LRRFIP1: variants seen among roughly 807,000 people sequenced by gnomAD.
LRRFIP1 encodes LRR binding FLII interacting protein 1.
Under a neutral mutation model 104.4 loss-of-function variants are expected in LRRFIP1, and 62 were observed. The ratio of observed to expected loss-of-function variants is 0.59; its 90% CI spans 0.48 to 0.73. LRRFIP1 has a LOEUF of 0.73. Ranked by LOEUF, LRRFIP1 falls within the 30% of genes least tolerant of loss-of-function variation. LRRFIP1 has a pLI of 0.00. For missense variants in LRRFIP1, 796 were observed against 824.5 expected (o/e 0.97, Z 0.42); for synonymous variants, 300 against 299.0 (o/e 1.00, Z -0.03).
At chr2:237,727,073 T>A (rs1198311053) in intron 7 of LRRFIP1, among the ~76,000 whole-genome samples, 1 of 152,202 alleles carries the variant, frequency 6.6e-6, no homozygotes, top group Non-Finnish European at 1.5e-5. Context: ...AAATAATTTC[T>A]GAGGCCGGGC....
Position 237,703,576 on chromosome 2 carries a change from G to A in LRRFIP1, c.97-4968G>A, listed in dbSNP as rs1329797544. Among the ~76,000 whole-genome samples, 1 of 151,938 alleles carries A rather than the reference G, an allele frequency of 6.6e-6. No individual in the cohort carries two copies. Among genetic ancestry groups the A allele is most frequent in the East Asian group, 1.9e-4 (1 of 5,154 alleles). ...GGTCGCAGCCACCCCGGCTCTGCTT[G>A]TCCTGTTTCAGGGTCCGGCTTAGGG... On this transcript the variant is annotated intron_variant, in intron 1 of 23. Coordinates refer to ENST00000308482, the MANE Select transcript of LRRFIP1 (RefSeq NM_001137550.2). The surrounding 1 kb of genome is among the most constrained non-coding windows in gnomAD (Gnocchi z 4.3).
rs760552854 is a variant in LRRFIP1 at position 237,735,591 on chromosome 2, C to T, written c.555+258C>T. 7 of 431,910 alleles carry T rather than the reference C, an allele frequency of 1.6e-5. No homozygotes were observed. Among genetic ancestry groups the T allele is most frequent in the South Asian group, 3.9e-5 (1 of 25,726 alleles). 26.8% of individuals were successfully genotyped at this position (431,910 alleles called of 1,614,324 possible). ...AGTTTCATCTGCTCTCTCTGCAGCA[C>T]GCCAACCATACTAACAGGTGGTGAA... On this transcript the variant is annotated intron_variant, in intron 10 of 23. Transcript: ENST00000308482. This position sits in a 1 kb window ranked among gnomAD's most constrained non-coding sequence, Gnocchi z 4.6.
Position 237,738,070 on chromosome 2 carries a change from A to G in LRRFIP1, c.556-1162A>G, listed in dbSNP as rs972202841. Among the ~76,000 whole-genome samples the G allele has an allele frequency of 1.3e-5, 2 of 152,288 alleles. 1 individual carries two copies. The highest frequency in any genetic ancestry group is 4.1e-4 in the South Asian group (2 of 4,832). ...GGTCACTAGCCCTGGTGAGGAAACA[A>G]ACTAAGAGATGGTATTTGACATGAG... On this transcript the variant is annotated intron_variant, in intron 10 of 23. Transcript: ENST00000308482.
chr2:237,727,462 C>A (rs1479987386), intron 7 of LRRFIP1, among the ~76,000 whole-genome samples: 1 of 152,072 alleles, frequency 6.6e-6, no homozygotes, highest in Non-Finnish European at 1.5e-5. Context: ...ACTGAAAACT[C>A]ATTGACTCAG....
intron 10 of LRRFIP1, 147 bp from the exon 11 acceptor site, chr2:237,739,085 A>G (rs575405825): frequency 3.5e-5 from 22 of 633,956 alleles, no homozygotes; most frequent in Admixed American, 2.4e-4. Context: ...TTTGCTGTCT[A>G]ACCCTAACTC....
Position 237,727,042 on chromosome 2 carries a change from G to A in LRRFIP1, c.385-834G>A, listed in dbSNP as rs535873727. The stretch of plus-strand genomic sequence containing the variant: ...GATATACCCCACGATGAACTTTTGC[G>A]TTTAACTATAGATTGACTAGAAATA... On this transcript the variant is annotated intron_variant, in intron 7 of 23. Coordinates refer to ENST00000308482, the MANE Select transcript of LRRFIP1 (RefSeq NM_001137550.2). Among the ~76,000 whole-genome samples the A allele has an allele frequency of 3.9e-5, 6 of 152,272 alleles. No individual in the cohort carries two copies. The East Asian group carries it at 7.7e-4, about 20-fold the overall frequency.
At chr2:237,762,158 C>T (rs994099005) in intron 19 of LRRFIP1, among the ~76,000 whole-genome samples, 4 of 152,172 alleles carry the variant, frequency 2.6e-5, no homozygotes, top group Non-Finnish European at 5.9e-5. Context: ...TTGAAAGCTG[C>T]TTTTAGGGCT....
At chr2:237,761,644 T>C (rs963614105) in intron 19 of LRRFIP1, among the ~76,000 whole-genome samples, 5 of 152,228 alleles carry the variant, frequency 3.3e-5, no homozygotes, top group Admixed American at 1.3e-4. Flanking sequence ...GTATACTATT[T>C]CATTAATATA....
chr2:237,633,611 C>T (rs1011381632), intron 1 of LRRFIP1, among the ~76,000 whole-genome samples: 1 of 152,102 alleles, frequency 6.6e-6, no homozygotes, highest in Non-Finnish European at 1.5e-5. Flanking sequence ...GAGAGAGGGG[C>T]GAATGGAGGT....
At chr2:237,685,177 T>C (rs1412121346) in intron 1 of LRRFIP1, among the ~76,000 whole-genome samples, 4 of 150,926 alleles carry the variant, frequency 2.7e-5, no homozygotes, top group African/African-American at 4.9e-5. Flanking sequence ...CTGGAGGTGT[T>C]TGTGGCCATT....
At chr2:237,641,635 A>G (rs2083995302) in intron 1 of LRRFIP1, among the ~76,000 whole-genome samples, 1 of 152,166 alleles carries the variant, frequency 6.6e-6, no homozygotes, top group East Asian at 1.9e-4. Context: ...ATTTTTCCCT[A>G]TATAGAACAT....
At position 237,779,332 on chromosome 2, in the gene LRRFIP1, C is replaced by T. The variant is rs983903667; in HGVS notation, c.1813-90C>T. On this transcript the variant is annotated intron_variant, in intron 23 of 23. Transcript: ENST00000308482. The stretch of plus-strand genomic sequence containing the variant: ...GGGGCCAAGTTATCATTTTATTTTT[C>T]AGTAGGATTGGAATTTCGGTAACAC... 1.1e-5 allele frequency: 16 copies of T among 1,488,328 alleles called. No homozygotes were observed. The African/African-American group carries it at 2.0e-4, about 18-fold the overall frequency. 92.2% of individuals were successfully genotyped at this position (1,488,328 alleles called of 1,614,324 possible). A position where few individuals can be genotyped will look rare whatever the true frequency, so the allele number is the denominator to read the frequency against.
At chr2:237,662,388 T>C (rs7597491) in intron 1 of LRRFIP1, among the ~76,000 whole-genome samples, 116,115 of 152,062 alleles carry the variant, frequency 0.76, 44,532 homozygotes, top group East Asian at 0.98. Flanking sequence ...TGGGGGATGT[T>C]ACTGAACGCA....
At position 237,779,717 on chromosome 2, in the gene LRRFIP1, C is replaced by T. The variant is rs561583708; in HGVS notation, c.*185C>T. ...AGGGAGCCCCAGCAGCCACCAGGTG[C>T]CTCTGTCTGCAGACCCCTGGCCCGG... On this transcript the variant is annotated 3_prime_UTR_variant, in exon 24 of 24. Coordinates refer to ENST00000308482, the MANE Select transcript of LRRFIP1 (RefSeq NM_001137550.2). The T allele has an allele frequency of 3.8e-5, 20 of 521,644 alleles. No individual in the cohort carries two copies. The highest frequency in any genetic ancestry group is 6.9e-5 in the Non-Finnish European group (20 of 291,500). 32.3% of individuals were successfully genotyped at this position (521,644 alleles called of 1,614,324 possible). A position where few individuals can be genotyped will look rare whatever the true frequency, so the allele number is the denominator to read the frequency against.
intron 1 of LRRFIP1, among the ~76,000 whole-genome samples, chr2:237,690,791 G>A (rs1160859088): frequency 1.3e-5 from 2 of 151,906 alleles, no homozygotes; most frequent in African/African-American, 4.8e-5. Flanking sequence ...TTAAATAAGC[G>A]TTACAGGGAG....
Position 237,780,473 on chromosome 2 carries a change from T to C in LRRFIP1, c.*941T>C, listed in dbSNP as rs1262156799. On this transcript the variant is annotated 3_prime_UTR_variant, in exon 24 of 24. Transcript: ENST00000308482. ...AAAAAAGGTGTTTTCACAGAATGAG[T>C]GCACTTAAAAAGTGAAGTGAAGGAG... Among the ~76,000 whole-genome samples the C allele has an allele frequency of 3.3e-5, 5 of 152,162 alleles. No homozygotes were observed. Among genetic ancestry groups the C allele is most frequent in the Admixed American group, 2.6e-4 (4 of 15,284 alleles).
At chr2:237,695,248 G>T (rs2093094439) in intron 1 of LRRFIP1, among the ~76,000 whole-genome samples, 1 of 152,192 alleles carries the variant, frequency 6.6e-6, no homozygotes, top group African/African-American at 2.4e-5. Flanking sequence ...GTCAGTTTCT[G>T]TTCAGCCTGA....
chr2:237,692,083 G>A (rs2092818483), intron 1 of LRRFIP1: 4 of 611,708 alleles, frequency 6.5e-6, no homozygotes, highest in Non-Finnish European at 8.0e-6. Flanking sequence ...GGGGCGGTGG[G>A]GCGAGTCATG....
intron 2 of LRRFIP1, chr2:237,708,896 G>A (rs191810725): frequency 1.8e-4 from 106 of 588,296 alleles, no homozygotes; most frequent in African/African-American, 1.7e-3. Context: ...CTAGCTGCGA[G>A]GAGCCAAAAT....
Sources: gnomAD v4.1 joint callset for allele counts (sites outside exome capture counted in the v4.1 genomes callset) on GRCh38, gnomAD v4.1.1 for gene constraint, Gnocchi (gnomAD v3.1) non-coding constraint, MANE v1.5 for transcripts, NCBI Gene and HGNC (gene_info 2026-07-23, HGNC 2026-07-21) for gene names.